The following IGSF10 variants were observed in gnomAD, a reference collection of about 807,000 sequenced individuals.
IGSF10 encodes immunoglobulin superfamily member 10, also known as calvaria mechanical force protein 608.
Under a neutral mutation model 128.2 loss-of-function variants are expected in IGSF10, and 126 were observed. The ratio of observed to expected loss-of-function variants is 0.98; its 90% CI spans 0.85 to 1.14. IGSF10 has a LOEUF of 1.14. Ranked by LOEUF, IGSF10 falls within the 50% of genes most tolerant of loss-of-function variation. The pLI is 0.00. For synonymous variants in IGSF10, 1,185 were observed against 1,146.2 expected, an observed-to-expected ratio of 1.03 and a Z score of -0.68; for missense variants, 3,295 against 3,149.8, an observed-to-expected ratio of 1.05 and a Z score of -1.10.
At chr3:151,595,892 G>A in the IGSF10 span, among the ~76,000 whole-genome samples, 25 of 152,130 alleles carry the variant, frequency 1.6e-4, no homozygotes, top group Admixed American at 1.6e-3. Context: ...TACAACATGA[G>A]GAATACAGTT....
the IGSF10 span, among the ~76,000 whole-genome samples, chr3:151,492,781 CT>C: frequency 2.6e-5 from 4 of 151,728 alleles, 1 homozygote; most frequent in Admixed American, 2.6e-4. Flanking sequence ...ACACAGCAAT[CT>C]TTGTATATAT....
chr3:151,599,306 G>A, the IGSF10 span, among the ~76,000 whole-genome samples: 45 of 152,288 alleles, frequency 3.0e-4, no homozygotes, highest in Middle Eastern at 3.4e-3. Flanking sequence ...GCTGAGGATA[G>A]GCCAGCACCA....
Position 151,437,404 on chromosome 3 carries a change from TA to T in IGSF10, c.7156del (p.Tyr2386IlefsTer4). 6.2e-7 allele frequency: 1 copy of T among 1,614,232 alleles called. No homozygotes were observed. Among genetic ancestry groups the T allele is most frequent in the East Asian group, 2.2e-5 (1 of 44,882 alleles). On this transcript the variant is annotated frameshift_variant, in exon 8 of 8. Coordinates refer to ENST00000282466, the MANE Select transcript of IGSF10 (RefSeq NM_178822.5). LOFTEE classifies it low-confidence loss of function (END_TRUNC). Reference protein sequence around the residue: ...GTRFSNGPQSYQYLIASNGSF... With the variant: ...GTRFSNGPQSXQYLIASNGSF... ...ACCATTGCTTGCTATCAGATACTGA[TA>T]ACTTTGTGGTCCATTGGAAAATCGT... is the stretch of plus-strand genomic sequence containing the variant.
the IGSF10 span, among the ~76,000 whole-genome samples, chr3:151,528,887 C>T: frequency 1.7e-4 from 25 of 150,458 alleles, no homozygotes; most frequent in Non-Finnish European, 3.1e-4. Flanking sequence ...GGGCTGAAGC[C>T]AGGGAGCCAA....
chr3:151,540,501 T>G, the IGSF10 span, among the ~76,000 whole-genome samples: 1 of 152,206 alleles, frequency 6.6e-6, no homozygotes, highest in Non-Finnish European at 1.5e-5. Flanking sequence ...TGTACTGCAG[T>G]GTGTAACTAA....
At chr3:151,439,560 G>C (rs1270060173) in intron 7 of IGSF10, among the ~76,000 whole-genome samples, 1 of 149,606 alleles carries the variant, frequency 6.7e-6, no homozygotes, top group East Asian at 2.0e-4. Context: ...GTTGCAGTGA[G>C]CCGAGATCAC....
chr3:151,550,155 A>G, the IGSF10 span, among the ~76,000 whole-genome samples: 24 of 152,258 alleles, frequency 1.6e-4, no homozygotes, highest in East Asian at 1.9e-3. Flanking sequence ...TGACTCTGCT[A>G]ATAGTAAGAG....
At chr3:151,601,738 C>T in the IGSF10 span, among the ~76,000 whole-genome samples, 1 of 152,224 alleles carries the variant, frequency 6.6e-6, no homozygotes, top group Non-Finnish European at 1.5e-5. Context: ...TCTACACATG[C>T]ACTTTGGTAA....
chr3:151,435,515 T>C (rs1373045100), downstream of IGSF10: 1 of 152,150 alleles, frequency 6.6e-6, no homozygotes, highest in East Asian at 1.9e-4. Context: ...CTATTCCACA[T>C]GTCTCAAATG....
chr3:151,451,506 G>C (rs2108563238), intron 5 of IGSF10, among the ~76,000 whole-genome samples: 1 of 152,330 alleles, frequency 6.6e-6, no homozygotes, highest in Non-Finnish European at 1.5e-5. Context: ...AAGAAAGGCA[G>C]ACAGGCAGGC....
In IGSF10 at chr3:151,447,293, C is replaced by A. The variant is rs747595128; in HGVS notation, c.2688G>T (p.Leu896=). ...CCTGAAATTCAGTTGCTCCAAGTAG[C>A]AGTGGAAAGACAGTGGATGAATGTT... ...TNQHSSTVFP[L]LLGATEFQDS... Residue 896 remains leucine, a synonymous_variant, in exon 6 of 8, where the codon CTG becomes CTT. Transcript: ENST00000282466. 7 of 1,614,046 alleles carry A rather than the reference C, an allele frequency of 4.3e-6. No homozygotes were observed. The African/African-American group carries it at 6.7e-5, about 15-fold the overall frequency.
In IGSF10 at chr3:151,448,170, G is replaced by A. The variant is rs1375899437; in HGVS notation, c.1811C>T (p.Ser604Phe). The A allele has an allele frequency of 6.2e-7, 1 of 1,614,150 alleles. No homozygotes were observed. Among genetic ancestry groups the A allele is most frequent in the Non-Finnish European group, 8.5e-7 (1 of 1,180,006 alleles). ...GTTTCCTGGAATAACCCAGCTAATA[G>A]AGGCATCTGGGATACCAGTAGAATG... Reference protein sequence around the residue: ...PCHSTGIPDASISWVIPGNNV... With the variant: ...PCHSTGIPDAFISWVIPGNNV... The change falls in exon 6 of 8, where the codon TCT becomes TTT. Residue 604 changes from serine (S) to phenylalanine (F), a missense_variant. Transcript: ENST00000282466.
the IGSF10 span, among the ~76,000 whole-genome samples, chr3:151,480,668 C>G: frequency 2.6e-5 from 4 of 152,000 alleles, no homozygotes; most frequent in African/African-American, 9.7e-5. Context: ...AGTGCACCAC[C>G]CCCAAGCAGA....
chr3:151,486,597 G>A, the IGSF10 span, among the ~76,000 whole-genome samples: 5 of 152,118 alleles, frequency 3.3e-5, no homozygotes, highest in East Asian at 3.9e-4. Context: ...GCAAAAGAAC[G>A]GATATCATAA....
At chr3:151,539,624 C>T in the IGSF10 span, among the ~76,000 whole-genome samples, 1 of 152,138 alleles carries the variant, frequency 6.6e-6, no homozygotes, top group Non-Finnish European at 1.5e-5. Context: ...TCACTTGAAA[C>T]TCATTGTATC....
chr3:151,602,763 G>T, the IGSF10 span, among the ~76,000 whole-genome samples: 1 of 152,052 alleles, frequency 6.6e-6, no homozygotes, highest in African/African-American at 2.4e-5. Flanking sequence ...CTTTTAAGTG[G>T]CCAGGAACCT....
Position 151,437,686 on chromosome 3 carries a change from A to G in IGSF10, c.6875T>C (p.Val2292Ala), listed in dbSNP as rs1720474836. ...TAPYYGSRIT[V>A]HKNGTLEIRN... ...AATTTCCAAGGTTCCATTTTTATGG[A>G]CTGTGATTCTGCTTCCATAGTATGG... is the stretch of plus-strand genomic sequence containing the variant. Residue 2292 changes from valine (V) to alanine (A), a missense_variant, in exon 8 of 8, where the codon GTC becomes GCC. Physicochemically the swap from Val to Ala is moderately conservative, Grantham distance 64. Coordinates refer to ENST00000282466, the MANE Select transcript of IGSF10 (RefSeq NM_178822.5). The G allele has an allele frequency of 3.7e-6, 6 of 1,614,116 alleles. No individual in the cohort carries two copies. The highest frequency in any genetic ancestry group is 5.1e-6 in the Non-Finnish European group (6 of 1,180,018).
chr3:151,442,086 A>G (rs62284461), intron 7 of IGSF10, among the ~76,000 whole-genome samples: 5,021 of 152,296 alleles, frequency 0.033, 194 homozygotes, highest in East Asian at 0.12. Context: ...TCATATGCCT[A>G]TAACAGACCA....
chr3:151,523,045 A>T, the IGSF10 span, among the ~76,000 whole-genome samples: 1 of 152,170 alleles, frequency 6.6e-6, no homozygotes, highest in African/African-American at 2.4e-5. Context: ...AGAGCAAATC[A>T]GAAAGGCAAT....
Sources: allele counts gnomAD v4.1 joint callset (sites outside exome capture counted in the v4.1 genomes callset), GRCh38; gene constraint gnomAD v4.1.1; transcripts MANE v1.5; gene names NCBI Gene and HGNC (gene_info 2026-07-23, HGNC 2026-07-21).